The following ZNF215 variants were observed in gnomAD, a reference collection of about 807,000 sequenced individuals.
ZNF215 encodes zinc finger protein 215.
In ZNF215, 24 loss-of-function variants were observed where a neutral mutation model predicts 27.2. That is an observed-to-expected ratio of 0.88 (90% CI 0.64 to 1.24). ZNF215 has a LOEUF of 1.24. ZNF215 is among the 50% of genes most tolerant of loss of function. ZNF215 has a pLI of 0.00. For synonymous variants in ZNF215, 210 were observed against 204.0 expected, an observed-to-expected ratio of 1.03 and a Z score of -0.25; for missense variants, 675 against 605.7, an observed-to-expected ratio of 1.11 and a Z score of -1.20.
chr11:6,943,031 G>A, intron 4 of ZNF215, 52 bp from the exon 5 acceptor site: 4 of 1,582,392 alleles, frequency 2.5e-6, no homozygotes, highest in Non-Finnish European at 3.4e-6. Flanking sequence ...TCCTTCTCTG[G>A]TAGTGTTTTG....
At chr11:6,930,909 A>G (rs1327326087) in intron 2 of ZNF215, among the ~76,000 whole-genome samples, 2 of 152,254 alleles carry the variant, frequency 1.3e-5, no homozygotes, top group Admixed American at 1.3e-4. Flanking sequence ...TATTGCCTAT[A>G]GCAGAGTTTT....
At position 6,945,413 on chromosome 11, in the gene ZNF215, C is replaced by G. The variant is rs567157574; in HGVS notation, c.712+1772C>G. Among the ~76,000 whole-genome samples the G allele has an allele frequency of 8.5e-5, 13 of 152,260 alleles. No homozygotes were observed. In the South Asian group the frequency reaches 2.7e-3, roughly 32 times the overall value. On this transcript the variant is annotated intron_variant, in intron 6 of 6. Transcript: ENST00000278319. ...GCTATTACTCTTTTTCTCACCTCTT[C>G]TTTGTAGCCAAACTTCTCAAAGTAC...
At chr11:6,971,575 G>A (rs1386777549) in intron 5 of ZNF215, among the ~76,000 whole-genome samples, 1 of 152,048 alleles carries the variant, frequency 6.6e-6, no homozygotes, top group African/African-American at 2.4e-5. Context: ...AAAATGGATA[G>A]ATTAAAACAT....
chr11:6,956,248 A>G lies in ZNF215; in HGVS notation c.1271A>G (p.Lys424Arg). 1 of 1,613,906 alleles carries G rather than the reference A, an allele frequency of 6.2e-7. No homozygotes were observed. Among genetic ancestry groups the G allele is most frequent in the Non-Finnish European group, 8.5e-7 (1 of 1,179,964 alleles). The change falls in exon 7 of 7, where the codon AAG becomes AGG. Residue 424 changes from lysine (K) to arginine (R), a missense_variant. Coordinates refer to ENST00000278319, the MANE Select transcript of ZNF215 (RefSeq NM_013250.4). ...RFFNRRTNLTKHQKLHAEAKA... is the reference protein window; with the variant it reads ...RFFNRRTNLTRHQKLHAEAKA... ...TTCAACCGACGTACAAACCTTACTA[A>G]GCATCAAAAACTTCATGCTGAAGCA...
At chr11:6,983,793 C>G (rs992045779) in intron 5 of ZNF215, among the ~76,000 whole-genome samples, 2 of 152,010 alleles carry the variant, frequency 1.3e-5, no homozygotes, top group African/African-American at 2.4e-5. Context: ...GCTAATATCT[C>G]TAACATAAAA....
intron 5 of ZNF215, among the ~76,000 whole-genome samples, chr11:6,975,138 C>T (rs1262169747): frequency 6.6e-6 from 1 of 152,112 alleles, no homozygotes; most frequent in East Asian, 1.9e-4. Context: ...TTTTCTGCAT[C>T]TATTGAGATA....
intron 5 of ZNF215, among the ~76,000 whole-genome samples, chr11:6,973,705 G>A (rs1054866304): frequency 3.3e-5 from 5 of 152,206 alleles, no homozygotes; most frequent in Admixed American, 2.0e-4. Context: ...CTTTTGAGAA[G>A]TGTCTGTTCA....
chr11:6,942,253 G>T (rs1849656839), intron 4 of ZNF215, among the ~76,000 whole-genome samples: 1 of 152,074 alleles, frequency 6.6e-6, no homozygotes, highest in Non-Finnish European at 1.5e-5. Context: ...AGGAAAGGAA[G>T]ATGTTTATAT....
chr11:6,985,153 A>G (rs552655952), downstream of ZNF215, among the ~76,000 whole-genome samples: 3 of 152,298 alleles, frequency 2.0e-5, no homozygotes, highest in African/African-American at 7.2e-5. Context: ...TTCTCAACAA[A>G]ATACTAACAA....
At chr11:6,951,313 A>T (rs554428938) in intron 6 of ZNF215, among the ~76,000 whole-genome samples, 1 of 152,110 alleles carries the variant, frequency 6.6e-6, no homozygotes, top group Non-Finnish European at 1.5e-5. Context: ...GAATGGTACC[A>T]GTTCCTCCTT....
intron 5 of ZNF215, 139 bp from the exon 6 acceptor site, chr11:6,943,407 C>T: frequency 9.2e-7 from 1 of 1,091,376 alleles, no homozygotes; most frequent in East Asian, 2.5e-5. Context: ...CAGAGATACA[C>T]AAGTCTATGG....
At chr11:6,991,452 C>T (rs1349149428), downstream of ZNF215, among the ~76,000 whole-genome samples, 1 of 152,192 alleles carries the variant, frequency 6.6e-6, no homozygotes, top group African/African-American at 2.4e-5. Flanking sequence ...GCTCCCCCGC[C>T]CACCACAGTG....
chr11:6,929,448 G>T (rs1218510978), intron 2 of ZNF215, among the ~76,000 whole-genome samples: 2 of 152,062 alleles, frequency 1.3e-5, no homozygotes, highest in African/African-American at 4.8e-5. Context: ...AATCCATCCA[G>T]TATACCACAT....
At chr11:6,933,941 G>A (rs529539473) in intron 3 of ZNF215, among the ~76,000 whole-genome samples, 1 of 152,272 alleles carries the variant, frequency 6.6e-6, no homozygotes, top group African/African-American at 2.4e-5. Flanking sequence ...AGGGAATAGG[G>A]AGGAGTATGG....
downstream of ZNF215, among the ~76,000 whole-genome samples, chr11:6,992,510 A>G (rs1778725659): frequency 1.3e-5 from 2 of 152,260 alleles, no homozygotes; most frequent in Admixed American, 1.3e-4. Flanking sequence ...ACTAACAGTA[A>G]AGTATAAATA....
chr11:6,986,939 G>A (rs1182876237), downstream of ZNF215, among the ~76,000 whole-genome samples: 1 of 152,092 alleles, frequency 6.6e-6, no homozygotes, highest in East Asian at 1.9e-4. Flanking sequence ...TGTTTTTGGG[G>A]ATGTAAACTA....
chr11:6,981,543 C>T (rs1466973452), intron 5 of ZNF215, among the ~76,000 whole-genome samples: 4 of 152,054 alleles, frequency 2.6e-5, no homozygotes, highest in Non-Finnish European at 5.9e-5. Context: ...TGAAAATTTT[C>T]TCCCATTTTG....
intron 4 of ZNF215, among the ~76,000 whole-genome samples, chr11:6,942,130 T>A (rs1003927473): frequency 2.0e-5 from 3 of 152,166 alleles, no homozygotes; most frequent in African/African-American, 7.2e-5. Flanking sequence ...CTTAAGGAGA[T>A]ACTAAAATGC....
chr11:6,980,442 T>C (rs1237336169), intron 5 of ZNF215, among the ~76,000 whole-genome samples: 1 of 152,052 alleles, frequency 6.6e-6, no homozygotes, highest in Non-Finnish European at 1.5e-5. Flanking sequence ...AAAGTTTTAA[T>C]AAGTCAGTGC....
Sources: gnomAD v4.1 joint callset for allele counts (sites outside exome capture counted in the v4.1 genomes callset) on GRCh38, gnomAD v4.1.1 for gene constraint, MANE v1.5 for transcripts, NCBI Gene and HGNC (gene_info 2026-07-23, HGNC 2026-07-21) for gene names.